The following AKAP13 variants were observed in gnomAD, a reference collection of about 807,000 sequenced individuals.
AKAP13 encodes A-kinase anchor protein 13.
A neutral mutation model predicts 264.5 loss-of-function variants in AKAP13; 80 were observed. The observed-to-expected ratio is 0.30, with a 90% CI of 0.25 to 0.36. The LOEUF is 0.36. AKAP13 is among the 10% of genes least tolerant of loss of function. AKAP13 has a pLI of 1.00. For missense variants in AKAP13, 3,712 were observed against 3,435.2 expected (o/e 1.08, Z -2.01); for synonymous variants, 1,380 against 1,250.2 (o/e 1.10, Z -2.19).
chr15:85,732,325 T>C (rs2088106601), intron 30 of AKAP13, among the ~76,000 whole-genome samples: 1 of 151,940 alleles, frequency 6.6e-6, no homozygotes, highest in South Asian at 2.1e-4. Flanking sequence ...AGTGGGAAAT[T>C]ATATTTTCAG....
intron 2 of AKAP13, among the ~76,000 whole-genome samples, chr15:85,513,647 A>T (rs2076514649): frequency 6.6e-6 from 1 of 152,172 alleles, no homozygotes; most frequent in Admixed American, 6.5e-5. Context: ...AAAATGCTTC[A>T]GTATGTATTT....
intron 1 of AKAP13, among the ~76,000 whole-genome samples, chr15:85,386,014 G>A (rs1208982791): frequency 6.6e-6 from 1 of 151,938 alleles, no homozygotes; most frequent in Non-Finnish European, 1.5e-5. Flanking sequence ...TAGTAGAGAT[G>A]GGGCTTTTCC....
chr15:85,555,363 A>C (rs924078536), intron 5 of AKAP13: 2 of 1,177,708 alleles, frequency 1.7e-6, no homozygotes, highest in African/African-American at 1.6e-5. Context: ...TGTCAGAAGT[A>C]AACTTGGAGC....
At chr15:85,490,877 G>A (rs1171254125) in intron 2 of AKAP13, among the ~76,000 whole-genome samples, 1 of 152,106 alleles carries the variant, frequency 6.6e-6, no homozygotes, top group African/African-American at 2.4e-5. Context: ...ATGAAATGGC[G>A]ATGTGATTGT....
At position 85,580,782 on chromosome 15, in the gene AKAP13, A is replaced by T; in HGVS notation, c.2714A>T (p.Asp905Val). 6.2e-7 allele frequency: 1 copy of T among 1,614,104 alleles called. No individual in the cohort carries two copies. The highest frequency in any genetic ancestry group is 8.5e-7 in the Non-Finnish European group (1 of 1,180,006). Reference protein sequence around the residue: ...QSVGKATLALDSVLTEEGKLL... With the variant: ...QSVGKATLALVSVLTEEGKLL... ...GTGGGTAAGGCCACTTTGGCTTTAGATTCAGTTTTGACTGAAGAAGGAAAA... is the reference window on the plus strand; with the variant it reads ...GTGGGTAAGGCCACTTTGGCTTTAGTTTCAGTTTTGACTGAAGAAGGAAAA... The change falls in exon 7 of 37, where the codon GAT (aspartate) becomes GTT (valine). Residue 905 changes from aspartate to valine, a missense_variant. Asp to Val is a radical substitution (Grantham distance 152). Transcript: ENST00000394518.
At position 85,677,336 on chromosome 15, in the gene AKAP13, A is replaced by G. The variant is rs991990681; in HGVS notation, c.5102-4822A>G. Among the ~76,000 whole-genome samples, 4 of 152,198 alleles carry G rather than the reference A, an allele frequency of 2.6e-5. No homozygotes were observed. In the East Asian group the frequency reaches 7.7e-4, roughly 29 times the overall value. ...CCTCCTGATTCCAGGGCACAAGATAATCTTTCTAGCACACAGATACCCTCA... is the reference window on the plus strand; with the variant it reads ...CCTCCTGATTCCAGGGCACAAGATAGTCTTTCTAGCACACAGATACCCTCA... On this transcript the variant is annotated intron_variant, in intron 14 of 36. Coordinates refer to ENST00000394518, the MANE Select transcript of AKAP13 (RefSeq NM_007200.5).
intron 8 of AKAP13, among the ~76,000 whole-genome samples, chr15:85,587,343 TA>T (rs1483312646): frequency 6.6e-6 from 1 of 152,246 alleles, no homozygotes; most frequent in Non-Finnish European, 1.5e-5. Context: ...TCACTTAGCG[TA>T]ATATTTTCAA....
At chr15:85,389,430 T>C (rs2070746251) in intron 1 of AKAP13, among the ~76,000 whole-genome samples, 1 of 152,232 alleles carries the variant, frequency 6.6e-6, no homozygotes, top group Non-Finnish European at 1.5e-5. Context: ...AGTTCTGTGC[T>C]ACCTGTTGTT....
chr15:85,638,856 A>T (rs138559309), intron 8 of AKAP13, among the ~76,000 whole-genome samples: 1 of 151,840 alleles, frequency 6.6e-6, no homozygotes, highest in Non-Finnish European at 1.5e-5. Flanking sequence ...TCCCGGGTTT[A>T]AGCAATTCTT....
intron 8 of AKAP13, among the ~76,000 whole-genome samples, chr15:85,613,408 G>A (rs1220568473): frequency 6.6e-6 from 1 of 152,094 alleles, no homozygotes; most frequent in Non-Finnish European, 1.5e-5. Flanking sequence ...GGGGCCGGGT[G>A]CGGTGGCTCA....
At chr15:85,523,485 A>G (rs1167774069) in intron 3 of AKAP13, among the ~76,000 whole-genome samples, 1 of 152,148 alleles carries the variant, frequency 6.6e-6, no homozygotes, top group African/African-American at 2.4e-5. Context: ...CCAGCTCATA[A>G]AAATACACAG....
intron 3 of AKAP13, among the ~76,000 whole-genome samples, chr15:85,525,899 G>A (rs569231538): frequency 1.3e-5 from 2 of 152,312 alleles, no homozygotes; most frequent in South Asian, 2.1e-4. Context: ...GTGGAAGATG[G>A]AACAGGATGT....
intron 1 of AKAP13, among the ~76,000 whole-genome samples, chr15:85,386,051 C>T (rs1223852387): frequency 2.6e-5 from 4 of 152,174 alleles, no homozygotes; most frequent in African/African-American, 7.2e-5. Flanking sequence ...TCTTGAACTC[C>T]TAACCTCAAG....
At chr15:85,469,620 G>A (rs953927747) in intron 1 of AKAP13, among the ~76,000 whole-genome samples, 2 of 152,196 alleles carry the variant, frequency 1.3e-5, no homozygotes, top group African/African-American at 4.8e-5. Context: ...CAAGGATACT[G>A]TGACTGTTAA....
intron 5 of AKAP13, among the ~76,000 whole-genome samples, chr15:85,557,174 A>G (rs12185115): frequency 0.68 from 102,926 of 151,990 alleles, 34,918 homozygotes; most frequent in Middle Eastern, 0.79. Flanking sequence ...ATTTAGAATA[A>G]ACAGATTGCT....
intron 1 of AKAP13, among the ~76,000 whole-genome samples, chr15:85,419,137 C>CA (rs1194975995): frequency 3.3e-5 from 5 of 152,174 alleles, no homozygotes; most frequent in Non-Finnish European, 2.9e-5. Context: ...CCACAGTGGA[C>CA]ACTGTTTGCT....
intron 8 of AKAP13, among the ~76,000 whole-genome samples, chr15:85,621,055 G>T (rs1203394054): frequency 6.6e-6 from 1 of 152,208 alleles, no homozygotes; most frequent in Non-Finnish European, 1.5e-5. Flanking sequence ...GGTGTATGTG[G>T]AGGTGAGGGT....
intron 8 of AKAP13, among the ~76,000 whole-genome samples, chr15:85,590,061 G>T (rs2079524354): frequency 6.6e-6 from 1 of 152,074 alleles, no homozygotes. Flanking sequence ...GGGAGGAGTG[G>T]CATTTGTGTA....
chr15:85,513,888 C>T (rs928680853), intron 2 of AKAP13, among the ~76,000 whole-genome samples: 1 of 110,932 alleles, frequency 9.0e-6, no homozygotes, highest in Admixed American at 9.1e-5. Flanking sequence ...GGTCAGAGCA[C>T]TGCATAGGTA....
Sources: allele counts gnomAD v4.1 joint callset (sites outside exome capture counted in the v4.1 genomes callset), GRCh38; gene constraint gnomAD v4.1.1; transcripts MANE v1.5; gene names NCBI Gene and HGNC (gene_info 2026-07-23, HGNC 2026-07-21).